G2E3: variants seen among roughly 807,000 people sequenced by gnomAD.
G2E3 encodes the protein G2/M-phase specific E3 ubiquitin protein ligase, also known as G2/M phase-specific E3 ubiquitin-protein ligase.
A neutral mutation model predicts 92.8 loss-of-function variants in G2E3; 35 were observed. That is an observed-to-expected ratio of 0.38 (90% confidence interval 0.29 to 0.50). The LOEUF (loss-of-function observed/expected upper bound fraction) is 0.50, where lower values mean the gene tolerates loss of function less well. Among genes scored for constraint, G2E3 ranks in the 20% least tolerant of loss-of-function variants. The probability of loss-of-function intolerance (pLI) is 0.94; values close to 1 mark genes in which losing one functional copy is unlikely to be tolerated. For synonymous variants in G2E3, 242 were observed against 272.4 expected, an observed-to-expected ratio of 0.89 and a Z score of 1.10; for missense variants, 554 against 823.8, an observed-to-expected ratio of 0.67 and a Z score of 4.01.
intron 1 of G2E3, chr14:30,560,495 T>A: frequency 3.0e-6 from 1 of 337,592 alleles, no homozygotes; most frequent in Non-Finnish European, 5.4e-6. Flanking sequence ...TAGACTTAAA[T>A]ACTCGGTGTT....
At position 30,612,219 on chromosome 14, in the gene G2E3, A is replaced by C; in HGVS notation, c.1513A>C (p.Thr505Pro). 6.2e-7 allele frequency: 1 copy of C among 1,610,036 alleles called. No homozygotes were observed. Among genetic ancestry groups the C allele is most frequent in the Non-Finnish European group, 8.5e-7 (1 of 1,177,144 alleles). Residue 505 changes from threonine (T) to proline (P), a missense_variant, in exon 13 of 15, where the codon ACA (threonine) becomes CCA (proline). By Grantham distance (38) the Thr-to-Pro change is conservative (BLOSUM62 -1). Transcript: ENST00000206595. The stretch of plus-strand genomic sequence containing the variant: ...TCCTTCATTACAGATAAATACTGCA[A>C]CAACTGTAGCTGACTTAAAGTCAAT... ...AQIIIRINTA[T>P]TVADLKSIIN...
intron 13 of G2E3, among the ~76,000 whole-genome samples, chr14:30,614,504 T>C (rs184166705): frequency 6.6e-6 from 1 of 152,332 alleles, no homozygotes; most frequent in Non-Finnish European, 1.5e-5. Flanking sequence ...ACAATAATGA[T>C]ATTAATCCAT....
intron 1 of G2E3, among the ~76,000 whole-genome samples, chr14:30,576,847 A>G (rs190126339): frequency 1.1e-3 from 174 of 152,336 alleles, no homozygotes; most frequent in Non-Finnish European, 2.0e-3. Context: ...AAAAAAATCA[A>G]TCAATTTCTC....
At chr14:30,589,608 C>T (rs907686957) in intron 4 of G2E3, 124 bp downstream of exon 4, 1 of 582,840 alleles carries the variant, frequency 1.7e-6, no homozygotes, top group African/African-American at 1.9e-5. Flanking sequence ...CATATTTTGT[C>T]ATTTAAATAT....
intron 1 of G2E3, among the ~76,000 whole-genome samples, chr14:30,564,687 G>A (rs1879327840): frequency 6.6e-6 from 1 of 152,148 alleles, no homozygotes; most frequent in Admixed American, 6.5e-5. Context: ...TCACGATGTT[G>A]TGCAACCATC....
chr14:30,575,680 C>T (rs1880039882), intron 1 of G2E3, among the ~76,000 whole-genome samples: 1 of 152,168 alleles, frequency 6.6e-6, no homozygotes, highest in Admixed American at 6.5e-5. Flanking sequence ...TTGCAGGATG[C>T]AAAATCAACA....
rs536764529 is a variant in G2E3 at position 30,619,870 on chromosome 14, T to G, written c.*3336T>G. 5 of 152,306 alleles carry G rather than the reference T, an allele frequency of 3.3e-5. No homozygotes were observed. The South Asian group carries it at 8.3e-4, about 25-fold the overall frequency. 9.4% of individuals were successfully genotyped at this position (152,306 alleles called of 1,614,324 possible). On this transcript the variant is annotated 3_prime_UTR_variant, in exon 15 of 15. Transcript: ENST00000206595. ...TGCCTATTTAAACTAAGTAATTTTTTGGGATTTAATAAGATTAAGATTCTG... is the reference window on the plus strand; with the variant it reads ...TGCCTATTTAAACTAAGTAATTTTTGGGGATTTAATAAGATTAAGATTCTG...
At chr14:30,615,166 T>A (rs113529795) in intron 13 of G2E3, among the ~76,000 whole-genome samples, 183 bp from the exon 14 acceptor site, 3 of 152,218 alleles carry the variant, frequency 2.0e-5, no homozygotes, top group African/African-American at 7.2e-5. Flanking sequence ...GTGTAGTATA[T>A]CCATATCTTC....
chr14:30,584,439 T>C (rs1398489033), intron 2 of G2E3, among the ~76,000 whole-genome samples: 2 of 152,244 alleles, frequency 1.3e-5, no homozygotes, highest in African/African-American at 4.8e-5. Flanking sequence ...GTTTAAATTT[T>C]GAAGAACTGC....
intron 6 of G2E3, among the ~76,000 whole-genome samples, chr14:30,596,455 A>C (rs1881296971): frequency 6.6e-6 from 1 of 152,088 alleles, no homozygotes; most frequent in South Asian, 2.1e-4. Context: ...CCTTAACTAT[A>C]TTATTAATTG....
chr14:30,603,928 GAATATT>G (rs1299359010), intron 10 of G2E3, among the ~76,000 whole-genome samples: 1 of 152,186 alleles, frequency 6.6e-6, no homozygotes, highest in East Asian at 1.9e-4. Context: ...CAGACAGGTA[GAATATT>G]AAGTACTCTT....
chr14:30,609,535 T>C (rs1881991158), intron 12 of G2E3, among the ~76,000 whole-genome samples: 1 of 152,198 alleles, frequency 6.6e-6, no homozygotes, highest in South Asian at 2.1e-4. Context: ...TTAGCATTTT[T>C]CAGTGTTGTC....
chr14:30,586,254 C>G (rs1880707818), intron 2 of G2E3, among the ~76,000 whole-genome samples: 1 of 152,186 alleles, frequency 6.6e-6, no homozygotes, highest in African/African-American at 2.4e-5. Context: ...GCACCAGGAA[C>G]ACGGGCCACC....
Position 30,605,636 on chromosome 14 carries a change from A to G in G2E3, c.1142A>G (p.Asn381Ser), listed in dbSNP as rs768194670. The part of the protein sequence containing the change: ...IWNSALDAFR[N>S]RNFNPSYAIE... Reference sequence around the variant, plus strand: ...AATAGTGCCTTAGATGCATTCAGAAATCGAAACTTTAATCCTTCATATGCA... The same window carrying G: ...AATAGTGCCTTAGATGCATTCAGAAGTCGAAACTTTAATCCTTCATATGCA... The change falls in exon 11 of 15, where the codon AAT becomes AGT. Residue 381 changes from asparagine (N) to serine (S), a missense_variant. Asn to Ser is a conservative substitution (Grantham distance 46). Coordinates refer to ENST00000206595, the MANE Select transcript of G2E3 (RefSeq NM_017769.5). 1 of 1,607,550 alleles carries G rather than the reference A, an allele frequency of 6.2e-7. No homozygotes were observed. The highest frequency in any genetic ancestry group is 8.5e-7 in the Non-Finnish European group (1 of 1,174,644).
At chr14:30,613,096 T>C (rs561159262) in intron 13 of G2E3, among the ~76,000 whole-genome samples, 2 of 152,302 alleles carry the variant, frequency 1.3e-5, no homozygotes, top group South Asian at 4.1e-4. Flanking sequence ...TGTCCTTTAG[T>C]TTAGAACACT....
At chr14:30,585,839 A>G (rs1289582581) in intron 2 of G2E3, among the ~76,000 whole-genome samples, 1 of 152,150 alleles carries the variant, frequency 6.6e-6, no homozygotes, top group Non-Finnish European at 1.5e-5. Flanking sequence ...GAGCCTAAAC[A>G]TCAGCCAGAG....
intron 1 of G2E3, among the ~76,000 whole-genome samples, chr14:30,567,752 AT>A (rs1879525324): frequency 1.3e-5 from 2 of 150,846 alleles, no homozygotes; most frequent in South Asian, 4.2e-4. Flanking sequence ...GCTTGATTTT[AT>A]TTGTCTCTAA....
chr14:30,611,966 T>C (rs1162915014), intron 12 of G2E3: 1 of 333,624 alleles, frequency 3.0e-6, no homozygotes, highest in Non-Finnish European at 5.5e-6. Flanking sequence ...TTATTTCCTT[T>C]TTTATAAATA....
chr14:30,567,308 C>T (rs943745369), intron 1 of G2E3, among the ~76,000 whole-genome samples: 2 of 152,018 alleles, frequency 1.3e-5, no homozygotes, highest in African/African-American at 4.8e-5. Flanking sequence ...GGACTTTATT[C>T]GTTGGGAGGT....
Sources: gnomAD v4.1 joint callset for allele counts (sites outside exome capture counted in the v4.1 genomes callset) on GRCh38, gnomAD v4.1.1 for gene constraint, MANE v1.5 for transcripts, NCBI Gene and HGNC (gene_info 2026-07-23, HGNC 2026-07-21) for gene names.